The following RGS7 variants were observed in gnomAD, a reference collection of about 807,000 sequenced individuals.
RGS7 encodes the protein regulator of G protein signaling 7.
A neutral mutation model predicts 81.1 loss-of-function variants in RGS7; 27 were observed. That is an observed-to-expected ratio of 0.33 (90% confidence interval 0.25 to 0.46). The LOEUF (loss-of-function observed/expected upper bound fraction) is 0.46, where lower values mean the gene tolerates loss of function less well. RGS7 is among the 20% of genes least tolerant of loss of function. The pLI is 1.00. For missense variants in RGS7, 396 were observed against 607.4 expected (o/e 0.65, Z 3.66); for synonymous variants, 208 against 207.7 (o/e 1.00, Z -0.01).
In RGS7 at chr1:241,357,087, T is replaced by A. The variant is rs2083629257; in HGVS notation, c.-239A>T. The A allele has an allele frequency of 6.6e-6, 1 of 152,028 alleles. No homozygotes were observed. The highest frequency in any genetic ancestry group is 1.5e-5 in the Non-Finnish European group (1 of 68,198). 9.4% of individuals were successfully genotyped at this position (152,028 alleles called of 1,614,324 possible). On this transcript the variant is annotated 5_prime_UTR_variant, in exon 1 of 19. Coordinates refer to ENST00000440928, the MANE Select transcript of RGS7 (RefSeq NM_001364886.1). ...GCCACCCTCGCCTCGCCGCCGCCCG[T>A]GCACAGGCGGCTCCGGCAGCCGCCA...
chr1:240,973,928 G>A (rs1683676178), intron 4 of RGS7, among the ~76,000 whole-genome samples: 1 of 152,068 alleles, frequency 6.6e-6, no homozygotes, highest in African/African-American at 2.4e-5. Flanking sequence ...ATGTTCCTAG[G>A]GCTGTAATTT....
At chr1:240,987,819 C>A (rs1208423809) in intron 3 of RGS7, among the ~76,000 whole-genome samples, 1 of 152,172 alleles carries the variant, frequency 6.6e-6, no homozygotes, top group East Asian at 1.9e-4. Flanking sequence ...GCATGAGCCA[C>A]CAGGCTCAGC....
At chr1:240,793,611 A>ATATATATATATATATATTTTTTT in intron 18 of RGS7, among the ~76,000 whole-genome samples, 21 of 78,802 alleles carry the variant, frequency 2.7e-4, no homozygotes, top group African/African-American at 7.8e-4. Context: ...ATATATATAT[A>ATATATATATATATATATTTTTTT]TTTTTTTTTT....
At chr1:241,133,918 G>A (rs1050658194) in intron 2 of RGS7, among the ~76,000 whole-genome samples, 1 of 152,118 alleles carries the variant, frequency 6.6e-6, no homozygotes, top group Non-Finnish European at 1.5e-5. Context: ...ATAAGAAACA[G>A]GGAGAGAGAG....
intron 2 of RGS7, among the ~76,000 whole-genome samples, chr1:241,329,537 G>A (rs1208421927): frequency 6.6e-6 from 1 of 152,084 alleles, no homozygotes; most frequent in Non-Finnish European, 1.5e-5. Flanking sequence ...ACACAAAAGA[G>A]TTCTTCTTGT....
chr1:240,853,652 C>T (rs567418406), intron 9 of RGS7, among the ~76,000 whole-genome samples: 8 of 151,994 alleles, frequency 5.3e-5, no homozygotes, highest in Admixed American at 2.0e-4. Context: ...ACGCCTGAAA[C>T]CCCAGCACTT....
chr1:241,143,243 T>C (rs2068060888), intron 2 of RGS7, among the ~76,000 whole-genome samples: 1 of 152,222 alleles, frequency 6.6e-6, no homozygotes, highest in Non-Finnish European at 1.5e-5. Flanking sequence ...TGTTACCCAG[T>C]TCCAAAGTCA....
intron 18 of RGS7, among the ~76,000 whole-genome samples, chr1:240,795,599 T>G (rs1686919754): frequency 1.3e-5 from 2 of 152,248 alleles, no homozygotes; most frequent in South Asian, 4.1e-4. Context: ...ATAACTTTGA[T>G]TTTATTGTAC....
At chr1:241,206,431 G>A (rs1281384241) in intron 2 of RGS7, among the ~76,000 whole-genome samples, 1 of 151,698 alleles carries the variant, frequency 6.6e-6, no homozygotes, top group Non-Finnish European at 1.5e-5. Flanking sequence ...CACCATGTTG[G>A]CCAGGATGGT....
intron 4 of RGS7, among the ~76,000 whole-genome samples, chr1:240,971,975 A>T (rs1159632199): frequency 6.6e-6 from 1 of 152,234 alleles, no homozygotes; most frequent in African/African-American, 2.4e-5. Context: ...GTTGTTTGAA[A>T]CAATTTGAAG....
intron 2 of RGS7, among the ~76,000 whole-genome samples, chr1:241,214,936 C>G (rs1182133874): frequency 6.6e-6 from 1 of 152,130 alleles, no homozygotes; most frequent in Non-Finnish European, 1.5e-5. Flanking sequence ...ACCATTATAT[C>G]TATTTTTTCC....
At chr1:240,861,527 G>T (rs1471486305) in intron 9 of RGS7, among the ~76,000 whole-genome samples, 1 of 152,024 alleles carries the variant, frequency 6.6e-6, no homozygotes, top group African/African-American at 2.4e-5. Flanking sequence ...TTAGAAGTTG[G>T]CAATGACCTT....
chr1:241,071,497 GT>G (rs5782174), intron 3 of RGS7, among the ~76,000 whole-genome samples: 28,990 of 142,624 alleles, frequency 0.2, 2,860 homozygotes, highest in Non-Finnish European at 0.24. Context: ...ATGTTTAAGT[GT>G]TTTTTTTTTT....
intron 3 of RGS7, among the ~76,000 whole-genome samples, chr1:241,002,194 C>A (rs951260435): frequency 1.3e-5 from 2 of 152,060 alleles, no homozygotes; most frequent in Non-Finnish European, 2.9e-5. Flanking sequence ...TGCTGGTAAT[C>A]CCAGCACTTT....
intron 10 of RGS7, among the ~76,000 whole-genome samples, chr1:240,822,528 T>C (rs1382780487): frequency 6.6e-6 from 1 of 152,208 alleles, no homozygotes; most frequent in Non-Finnish European, 1.5e-5. Flanking sequence ...TCCCTGTAGG[T>C]TTATGATAAA....
intron 14 of RGS7, among the ~76,000 whole-genome samples, chr1:240,811,461 A>G (rs891698244): frequency 1.3e-5 from 2 of 152,236 alleles, no homozygotes; most frequent in Non-Finnish European, 2.9e-5. Context: ...AAAGAGAATG[A>G]GACAGCCCAA....
chr1:240,852,900 G>C (rs144040862), intron 9 of RGS7, among the ~76,000 whole-genome samples: 9 of 152,198 alleles, frequency 5.9e-5, no homozygotes, highest in African/African-American at 2.2e-4. Flanking sequence ...GAAACTTGAT[G>C]AAGGAAAAGA....
At position 241,326,996 on chromosome 1, in the gene RGS7, A is replaced by AAGGAAGGG. The variant is rs1187674379; in HGVS notation, c.78+28702_78+28703insCCCTTCCT. On this transcript the variant is annotated intron_variant, in intron 2 of 18. Coordinates refer to ENST00000440928, the MANE Select transcript of RGS7 (RefSeq NM_001364886.1). ...AGAGAGAGAGAAGAAAGGCAGGAAG[A>AAGGAAGGG]AGGAAGGAAGGAAGGAAGGAAGGAA... Among the ~76,000 whole-genome samples the AAGGAAGGG allele has an allele frequency of 1.2e-3, 4 of 3,292 alleles. 1 individual carries two copies. Among genetic ancestry groups the AAGGAAGGG allele is most frequent in the African/African-American group, 3.1e-3 (4 of 1,282 alleles). The allele number at this position is 3,292 out of a possible 152,430, so 2.2% of individuals were successfully genotyped here.
At chr1:241,264,503 A>G (rs1489135043) in intron 2 of RGS7, among the ~76,000 whole-genome samples, 1 of 152,202 alleles carries the variant, frequency 6.6e-6, no homozygotes, top group Non-Finnish European at 1.5e-5. Flanking sequence ...TCTCAAAGAA[A>G]AAAAAAAGAC....
Sources: gnomAD v4.1 joint callset for allele counts (sites outside exome capture counted in the v4.1 genomes callset) on GRCh38, gnomAD v4.1.1 for gene constraint, MANE v1.5 for transcripts, NCBI Gene and HGNC (gene_info 2026-07-23, HGNC 2026-07-21) for gene names.